The following CNTN1 variants were observed in gnomAD, a reference collection of about 807,000 sequenced individuals.
CNTN1 encodes contactin 1, also known as contactin-1.
In CNTN1, 38 loss-of-function variants were observed where a neutral mutation model predicts 126.4. The ratio of observed to expected loss-of-function variants is 0.30; its 90% CI spans 0.23 to 0.39. The LOEUF (loss-of-function observed/expected upper bound fraction) is 0.39. CNTN1 is among the 10% of genes least tolerant of loss of function. CNTN1 has a pLI of 1.00. For missense variants in CNTN1, 1,009 were observed against 1,248.4 expected (o/e 0.81, Z 2.89); for synonymous variants, 413 against 422.6 (o/e 0.98, Z 0.28).
intron 14 of CNTN1, among the ~76,000 whole-genome samples, chr12:40,951,994 T>G (rs1946707453): frequency 6.6e-6 from 1 of 152,250 alleles, no homozygotes; most frequent in East Asian, 1.9e-4. Flanking sequence ...TTACAATTGT[T>G]AATCTAGTTG....
At chr12:40,875,450 A>C (rs1307208701) in intron 1 of CNTN1, among the ~76,000 whole-genome samples, 1 of 152,010 alleles carries the variant, frequency 6.6e-6, no homozygotes, top group South Asian at 2.1e-4. Context: ...AATTGGTTCC[A>C]TATTTCTGTA....
Position 40,930,123 on chromosome 12 carries a change from G to A in CNTN1, c.703+121G>A, listed in dbSNP as rs563673101. On this transcript the variant is annotated intron_variant, in intron 7 of 23. Coordinates refer to ENST00000551295, the MANE Select transcript of CNTN1 (RefSeq NM_001843.4). Reference sequence around the variant, plus strand: ...ACTTTTCAGGAAGGACAATATAAAAGGGGATGCATGTTGAAGGGGCCAAAG... The same window carrying A: ...ACTTTTCAGGAAGGACAATATAAAAAGGGATGCATGTTGAAGGGGCCAAAG... The A allele has an allele frequency of 4.2e-5, 35 of 841,076 alleles. No homozygotes were observed. In the Admixed American group the frequency reaches 4.5e-4, roughly 11 times the overall value. The allele number at this position is 841,076 out of a possible 1,614,324, so 52.1% of individuals were successfully genotyped here.
intron 1 of CNTN1, among the ~76,000 whole-genome samples, chr12:40,757,217 A>ATTAT (rs1938646962): frequency 6.6e-6 from 1 of 151,982 alleles, no homozygotes; most frequent in African/African-American, 2.4e-5. Flanking sequence ...TCTAAGTATA[A>ATTAT]TTATTTTCCA....
chr12:41,048,323 T>G (rs1401554878), intron 23 of CNTN1, among the ~76,000 whole-genome samples: 1 of 152,158 alleles, frequency 6.6e-6, no homozygotes, highest in Non-Finnish European at 1.5e-5. Context: ...CACACCTTCT[T>G]TTTTTCTTTC....
chr12:40,695,728 T>G (rs1471329832), intron 1 of CNTN1, among the ~76,000 whole-genome samples: 4 of 152,234 alleles, frequency 2.6e-5, no homozygotes, highest in Non-Finnish European at 4.4e-5. Context: ...TTTTGCTCCT[T>G]GACACCACAA....
intron 1 of CNTN1, among the ~76,000 whole-genome samples, chr12:40,874,326 A>G (rs992028414): frequency 4.6e-5 from 7 of 152,262 alleles, no homozygotes; most frequent in Admixed American, 2.0e-4. Flanking sequence ...CTTCAGATAT[A>G]CAAAAACCTA....
chr12:40,753,343 T>C (rs1470266424), intron 1 of CNTN1, among the ~76,000 whole-genome samples: 3 of 152,120 alleles, frequency 2.0e-5, no homozygotes, highest in Non-Finnish European at 2.9e-5. Context: ...AAATAGCCAC[T>C]CTCTTTATTC....
chr12:40,735,858 C>A (rs1424254373), intron 1 of CNTN1, among the ~76,000 whole-genome samples: 2 of 152,052 alleles, frequency 1.3e-5, no homozygotes, highest in Non-Finnish European at 2.9e-5. Flanking sequence ...TCAATAGAAA[C>A]AACATGTTTG....
intron 14 of CNTN1, among the ~76,000 whole-genome samples, chr12:40,952,452 A>T (rs1373858120): frequency 6.6e-6 from 1 of 152,104 alleles, no homozygotes; most frequent in Non-Finnish European, 1.5e-5. Context: ...TAGATTTGGT[A>T]ATAGTAGGAG....
chr12:40,966,903 A>G (rs1195395142), intron 15 of CNTN1, among the ~76,000 whole-genome samples: 1 of 152,196 alleles, frequency 6.6e-6, no homozygotes, highest in African/African-American at 2.4e-5. Context: ...ACTAGAGTAC[A>G]GTGAGAAAAG....
At position 41,059,989 on chromosome 12, in the gene CNTN1, G is replaced by A. The variant is rs137896987; in HGVS notation, c.2981-9970G>A. On this transcript the variant is annotated intron_variant, in intron 23 of 23. Transcript: ENST00000551295. Reference sequence around the variant, plus strand: ...TTTGGTGAGCTGTGATCGCATCTTTGCACTCACTCAGGCAACTGAGTGAGT... The same window carrying A: ...TTTGGTGAGCTGTGATCGCATCTTTACACTCACTCAGGCAACTGAGTGAGT... Among the ~76,000 whole-genome samples, 25 of 152,000 alleles carry A rather than the reference G, an allele frequency of 1.6e-4. No individual in the cohort carries two copies. In the East Asian group the frequency reaches 4.6e-3, roughly 28 times the overall value.
intron 16 of CNTN1, among the ~76,000 whole-genome samples, chr12:40,985,499 CTCT>C (rs1266159486): frequency 2.0e-5 from 3 of 151,998 alleles, no homozygotes; most frequent in African/African-American, 2.4e-5. Context: ...ATCCAAATTG[CTCT>C]TCATTTTACT....
chr12:40,943,166 G>A (rs956802012), intron 12 of CNTN1, among the ~76,000 whole-genome samples: 14 of 152,134 alleles, frequency 9.2e-5, no homozygotes, highest in African/African-American at 2.6e-4. Flanking sequence ...TTGTTACTAA[G>A]GAGGTTTTAA....
chr12:40,846,427 C>T (rs541688846), intron 1 of CNTN1, among the ~76,000 whole-genome samples: 1 of 152,324 alleles, frequency 6.6e-6, no homozygotes, highest in East Asian at 1.9e-4. Context: ...GAGATTGCGC[C>T]ACTGCACTCC....
At chr12:40,969,819 T>G (rs1566062233) in intron 15 of CNTN1, among the ~76,000 whole-genome samples, 1 of 152,124 alleles carries the variant, frequency 6.6e-6, no homozygotes, top group Non-Finnish European at 1.5e-5. Context: ...TTGAATCCAC[T>G]TTATCCTTTG....
At chr12:41,013,152 A>T (rs1007461640) in intron 17 of CNTN1, among the ~76,000 whole-genome samples, 21 of 152,312 alleles carry the variant, frequency 1.4e-4, no homozygotes, top group East Asian at 1.4e-3. Flanking sequence ...TGATGTTTAC[A>T]TAGTGCGTGG....
intron 1 of CNTN1, among the ~76,000 whole-genome samples, chr12:40,751,895 C>T (rs1164717468): frequency 2.0e-5 from 3 of 152,056 alleles, no homozygotes; most frequent in African/African-American, 7.2e-5. Context: ...TAAGAAGGTG[C>T]TAATTGACAA....
chr12:41,020,452 T>C lies in CNTN1; in HGVS notation c.2523+12T>C, dbSNP rs768112635. 89 of 1,523,374 alleles carry C rather than the reference T, an allele frequency of 5.8e-5. No individual in the cohort carries two copies. The highest frequency in any genetic ancestry group is 3.2e-5 in the Non-Finnish European group (35 of 1,098,846). 94.4% of individuals were successfully genotyped at this position (1,523,374 alleles called of 1,614,324 possible). A position where few individuals can be genotyped will look rare whatever the true frequency, so the allele number is the denominator to read the frequency against. On this transcript the variant is annotated intron_variant, in intron 20 of 23. Coordinates refer to ENST00000551295, the MANE Select transcript of CNTN1 (RefSeq NM_001843.4). ...TGGAAAGCTATCAGGTACGTTAAAT[T>C]TTTATCAAACTAAATACATTTATTC...
At chr12:40,881,771 A>G (rs1336854048) in intron 1 of CNTN1, among the ~76,000 whole-genome samples, 3 of 151,836 alleles carry the variant, frequency 2.0e-5, no homozygotes, top group African/African-American at 4.8e-5. Flanking sequence ...CGTTTTGTCT[A>G]AATTTTTCCT....
Sources: gnomAD v4.1 joint callset for allele counts (sites outside exome capture counted in the v4.1 genomes callset) on GRCh38, gnomAD v4.1.1 for gene constraint, MANE v1.5 for transcripts, NCBI Gene and HGNC (gene_info 2026-07-23, HGNC 2026-07-21) for gene names.